EYS: variants seen among roughly 807,000 people sequenced by gnomAD.
EYS encodes protein eyes shut homolog.
In EYS, 250 loss-of-function variants were observed where a neutral mutation model predicts 282.1. The ratio of observed to expected loss-of-function variants is 0.89; its 90% CI spans 0.80 to 0.98. The LOEUF (loss-of-function observed/expected upper bound fraction) is 0.98. Ranked by LOEUF, EYS falls within the 50% of genes least tolerant of loss-of-function variation. EYS has a pLI of 0.00. For synonymous variants in EYS, 1,355 were observed against 1,282.9 expected, an observed-to-expected ratio of 1.06 and a Z score of -1.20; for missense variants, 4,016 against 3,709.0, an observed-to-expected ratio of 1.08 and a Z score of -2.15.
intron 41 of EYS, among the ~76,000 whole-genome samples, chr6:63,756,576 C>G (rs1769489938): frequency 6.6e-6 from 1 of 151,990 alleles, no homozygotes; most frequent in Non-Finnish European, 1.5e-5. Flanking sequence ...GGGATATTGG[C>G]CTAAAATTCT....
At chr6:64,246,577 T>C (rs898081231) in intron 30 of EYS, among the ~76,000 whole-genome samples, 2 of 152,226 alleles carry the variant, frequency 1.3e-5, no homozygotes, top group African/African-American at 4.8e-5. Context: ...ATTTGTACCA[T>C]AGAACACTTA....
chr6:65,646,632 T>C (rs971779791), intron 1 of EYS, among the ~76,000 whole-genome samples: 1 of 152,096 alleles, frequency 6.6e-6, no homozygotes, highest in East Asian at 1.9e-4. Flanking sequence ...CATGCCCACT[T>C]TCACCACTTC....
intron 37 of EYS, among the ~76,000 whole-genome samples, chr6:63,793,416 C>T (rs1582212992): frequency 1.3e-5 from 2 of 152,190 alleles, no homozygotes; most frequent in East Asian, 1.9e-4. Flanking sequence ...GAAGGAAGTA[C>T]ATATGCATGC....
intron 5 of EYS, among the ~76,000 whole-genome samples, chr6:65,456,791 T>C (rs1764634957): frequency 2.0e-5 from 3 of 151,966 alleles, no homozygotes; most frequent in Admixed American, 2.0e-4. Flanking sequence ...CTATTCAGCA[T>C]AGTACTGAAA....
At chr6:64,399,405 T>A (rs1048247256) in intron 28 of EYS, among the ~76,000 whole-genome samples, 1 of 151,882 alleles carries the variant, frequency 6.6e-6, no homozygotes, top group Non-Finnish European at 1.5e-5. Flanking sequence ...TTCTCTTATA[T>A]GACTATATCA....
chr6:65,532,840 C>A (rs78697006), intron 2 of EYS, among the ~76,000 whole-genome samples: 10 of 152,154 alleles, frequency 6.6e-5, no homozygotes, highest in Admixed American at 2.0e-4. Flanking sequence ...ATAATCTCTA[C>A]TTCTGCTTTC....
At chr6:64,847,386 T>A (rs761116366) in intron 19 of EYS, among the ~76,000 whole-genome samples, 36 of 152,078 alleles carry the variant, frequency 2.4e-4, no homozygotes, top group Admixed American at 6.6e-4. Context: ...AAAATCCTAG[T>A]GAATATAGTT....
Position 65,226,402 on chromosome 6 carries a change from T to C in EYS, c.2023+69461A>G, listed in dbSNP as rs186720557. Among the ~76,000 whole-genome samples the C allele has an allele frequency of 8.7e-3, 1,327 of 152,114 alleles. 12 individuals are homozygous for C. The highest frequency in any genetic ancestry group is 0.014 in the Non-Finnish European group (933 of 67,984). ...AAAAAACTAAATAAATGAAAATACA[T>C]CCTGTGCTCATAATGGACTCATTAA... On this transcript the variant is annotated intron_variant, in intron 12 of 42. Coordinates refer to ENST00000503581, the MANE Select transcript of EYS (RefSeq NM_001142800.2).
chr6:64,021,872 T>C (rs1334758856), intron 33 of EYS, among the ~76,000 whole-genome samples: 1 of 152,212 alleles, frequency 6.6e-6, no homozygotes, highest in Non-Finnish European at 1.5e-5. Context: ...CTATACATAT[T>C]CTTTGCATTG....
intron 35 of EYS, among the ~76,000 whole-genome samples, chr6:63,932,006 A>G (rs1764908894): frequency 6.6e-6 from 1 of 152,074 alleles, no homozygotes; most frequent in Non-Finnish European, 1.5e-5. Context: ...TAGTTTCCAC[A>G]TATGAATGAG....
At chr6:65,392,645 T>C (rs1328962871) in intron 7 of EYS, among the ~76,000 whole-genome samples, 2 of 152,126 alleles carry the variant, frequency 1.3e-5, no homozygotes, top group Non-Finnish European at 2.9e-5. Context: ...CCAGTTAGAA[T>C]GGCAATCATT....
intron 22 of EYS, among the ~76,000 whole-genome samples, chr6:64,795,432 A>G (rs778561177): frequency 1.1e-4 from 16 of 152,176 alleles, no homozygotes; most frequent in African/African-American, 3.6e-4. Context: ...ACAAATATCT[A>G]TAATTGTTTT....
chr6:65,602,775 T>C (rs1280352087), intron 2 of EYS, among the ~76,000 whole-genome samples: 1 of 152,038 alleles, frequency 6.6e-6, no homozygotes, highest in Middle Eastern at 3.2e-3. Context: ...TGATACAGAA[T>C]AATGTGTGAA....
intron 14 of EYS, among the ~76,000 whole-genome samples, chr6:64,980,801 G>A (rs930329880): frequency 6.6e-6 from 1 of 151,294 alleles, no homozygotes; most frequent in Non-Finnish European, 1.5e-5. Context: ...TAGTTGAGAT[G>A]TGGTTTGTCA....
intron 26 of EYS, among the ~76,000 whole-genome samples, chr6:64,553,156 A>C (rs978595205): frequency 1.3e-5 from 2 of 151,228 alleles, no homozygotes; most frequent in Non-Finnish European, 2.9e-5. Flanking sequence ...CATGGGGCCA[A>C]GGTCACTTGT....
rs1770613947 is a variant in EYS, at chr6:64,697,305, G to T, written c.3444-71060C>A. Among the ~76,000 whole-genome samples, 3 of 152,000 alleles carry T rather than the reference G, an allele frequency of 2.0e-5. No individual in the cohort carries two copies. The South Asian group carries it at 6.2e-4, about 32-fold the overall frequency. ...CAAAAACAGTAAAAAAAGACAAAAA[G>T]GTCATTATATAATGATAAAGGGATC... On this transcript the variant is annotated intron_variant, in intron 22 of 42. Coordinates refer to ENST00000503581, the MANE Select transcript of EYS (RefSeq NM_001142800.2).
intron 13 of EYS, among the ~76,000 whole-genome samples, chr6:65,033,245 G>C (rs925669317): frequency 3.9e-5 from 6 of 152,178 alleles, no homozygotes; most frequent in African/African-American, 1.4e-4. Context: ...TGGAAAATTT[G>C]CAGCCTGGTC....
At chr6:64,373,535 T>C (rs1772458345) in intron 29 of EYS, among the ~76,000 whole-genome samples, 1 of 152,148 alleles carries the variant, frequency 6.6e-6, no homozygotes, top group African/African-American at 2.4e-5. Flanking sequence ...GAAGCTCTAG[T>C]GGGTGTAGCC....
At chr6:65,405,091 CTAAT>C (rs1309417936) in intron 6 of EYS, 79 bp downstream of exon 6, 2 of 926,162 alleles carry the variant, frequency 2.2e-6, no homozygotes, top group Non-Finnish European at 3.4e-6. Context: ...AATAAGGATT[CTAAT>C]TATTTATTCT....
Sources: gnomAD v4.1 joint callset for allele counts (sites outside exome capture counted in the v4.1 genomes callset) on GRCh38, gnomAD v4.1.1 for gene constraint, MANE v1.5 for transcripts, NCBI Gene and HGNC (gene_info 2026-07-23, HGNC 2026-07-21) for gene names.